VTCN1: variants seen among roughly 807,000 people sequenced by gnomAD.
The protein encoded by VTCN1 is V-set domain-containing T-cell activation inhibitor 1.
A neutral mutation model predicts 26.5 loss-of-function variants in VTCN1; 26 were observed. The ratio of observed to expected loss-of-function variants is 0.98; its 90% CI spans 0.72 to 1.36. VTCN1 has a LOEUF of 1.36. Among genes scored for constraint, VTCN1 ranks in the 40% most tolerant of loss-of-function variants. The pLI is 0.00. For synonymous variants in VTCN1, 116 were observed against 130.7 expected (o/e 0.89, Z 0.77); for missense variants, 298 against 337.7 (o/e 0.88, Z 0.92).
Position 117,156,618 on chromosome 1 carries a change from G to A in VTCN1, c.401C>T (p.Thr134Ile). The change falls in exon 3 of 6, where the codon ACT (threonine) becomes ATT (isoleucine). Residue 134 changes from threonine (T) to isoleucine (I), a missense_variant. Transcript: ENST00000369458. ...GTTAGCATTCCCCTTGCCTTTAGAAGTGATGATATAACATTTGTAGGTGCC... is the reference window on the plus strand; with the variant it reads ...GTTAGCATTCCCCTTGCCTTTAGAAATGATGATATAACATTTGTAGGTGCC... ...DAGTYKCYII[T>I]SKGKGNANLE... 11 of 1,612,616 alleles carry A rather than the reference G, an allele frequency of 6.8e-6. No individual in the cohort carries two copies. The highest frequency in any genetic ancestry group is 9.3e-6 in the Non-Finnish European group (11 of 1,179,344).
chr1:117,201,880 G>A (rs1001052410), intron 1 of VTCN1, among the ~76,000 whole-genome samples: 8 of 152,242 alleles, frequency 5.3e-5, no homozygotes, highest in Non-Finnish European at 1.0e-4. Context: ...GAAGAAAGAA[G>A]GAAGAGGCTA....
chr1:117,189,781 G>C (rs1648144945), intron 1 of VTCN1, among the ~76,000 whole-genome samples: 1 of 152,174 alleles, frequency 6.6e-6, no homozygotes, highest in African/African-American at 2.4e-5. Flanking sequence ...AGTAAAATGG[G>C]ATAGGAGATC....
intron 1 of VTCN1, among the ~76,000 whole-genome samples, chr1:117,201,556 G>A (rs994260817): frequency 2.0e-5 from 3 of 152,186 alleles, no homozygotes; most frequent in African/African-American, 7.2e-5. Flanking sequence ...TTGCAAGCCT[G>A]CCCCTAATAT....
In VTCN1 at chr1:117,159,316, C is replaced by A. The variant is rs1284382506; in HGVS notation, c.98-2395G>T. On this transcript the variant is annotated intron_variant, in intron 2 of 5. Coordinates refer to ENST00000369458, the MANE Select transcript of VTCN1 (RefSeq NM_024626.4). This position sits in a 1 kb window ranked among gnomAD's most constrained non-coding sequence, Gnocchi z 4.7. ...GGCTGGGGAGGCCTCAGAGTCATGG[C>A]GGGAGGTGAAAGGCACTTCTTACAT... is the stretch of plus-strand genomic sequence containing the variant. 1.3e-5 allele frequency among the ~76,000 whole-genome samples: 2 copies of A among 152,040 alleles called. No homozygotes were observed. The highest frequency in any genetic ancestry group is 4.8e-5 in the African/African-American group (2 of 41,384).
At chr1:117,156,355 A>G (rs1418834821) in intron 3 of VTCN1, among the ~76,000 whole-genome samples, 1 of 152,260 alleles carries the variant, frequency 6.6e-6, no homozygotes, top group African/African-American at 2.4e-5. Context: ...ATTCTGAAGC[A>G]GAGAGAACCC....
chr1:117,204,643 G>A (rs951714424), intron 1 of VTCN1, among the ~76,000 whole-genome samples: 1 of 152,074 alleles, frequency 6.6e-6, no homozygotes, highest in South Asian at 2.1e-4. Context: ...GAGGTGGGTG[G>A]ATCATGAGGT....
intron 1 of VTCN1, among the ~76,000 whole-genome samples, chr1:117,192,357 T>C (rs891233766): frequency 6.6e-6 from 1 of 152,160 alleles, no homozygotes; most frequent in Admixed American, 6.5e-5. Context: ...CTGAGAGATT[T>C]CATTACTACT....
At chr1:117,197,934 G>C (rs1436464436) in intron 1 of VTCN1, among the ~76,000 whole-genome samples, 1 of 152,160 alleles carries the variant, frequency 6.6e-6, no homozygotes, top group African/African-American at 2.4e-5. Flanking sequence ...GAAAGCAAAA[G>C]GCTTGTTTGT....
rs575553632 is a variant in VTCN1 at position 117,175,928 on chromosome 1, G to A, written c.33-5757C>T. Among the ~76,000 whole-genome samples the A allele has an allele frequency of 2.0e-5, 3 of 152,080 alleles. No individual in the cohort carries two copies. Among genetic ancestry groups the A allele is most frequent in the East Asian group, 1.9e-4 (1 of 5,168 alleles). On this transcript the variant is annotated intron_variant, in intron 1 of 5. Transcript: ENST00000369458. This position sits in a 1 kb window ranked among gnomAD's most constrained non-coding sequence, Gnocchi z 4.2. ...TGGGATTACAGGCACGTGCCACCACGCCCGGCTAATTTTTTATTTTTAGTA... is the reference window on the plus strand; with the variant it reads ...TGGGATTACAGGCACGTGCCACCACACCCGGCTAATTTTTTATTTTTAGTA...
intron 1 of VTCN1, among the ~76,000 whole-genome samples, chr1:117,186,619 A>T (rs551595203): frequency 7.2e-5 from 11 of 152,372 alleles, no homozygotes; most frequent in Middle Eastern, 3.4e-3. Context: ...GAATGCAGGG[A>T]ATGAGAGGGT....
chr1:117,160,135 G>A (rs1005023509), intron 2 of VTCN1, among the ~76,000 whole-genome samples: 7 of 152,170 alleles, frequency 4.6e-5, no homozygotes, highest in African/African-American at 1.7e-4. Context: ...AGAGGAGAGT[G>A]GAGGAGACAC....
rs1652660874 is a variant in VTCN1, at chr1:117,167,118, T to A, written c.97+2989A>T. On this transcript the variant is annotated intron_variant, in intron 2 of 5. Transcript: ENST00000369458. The surrounding 1 kb of genome is among the most constrained non-coding windows in gnomAD (Gnocchi z 4.1). ...AAAAAAAAAAAAGAATATATATGTA[T>A]GTAAACATAAAATGTATATATACAT... Among the ~76,000 whole-genome samples, 1 of 151,890 alleles carries A rather than the reference T, an allele frequency of 6.6e-6. No individual in the cohort carries two copies. The highest frequency in any genetic ancestry group is 1.5e-5 in the Non-Finnish European group (1 of 67,984).
At chr1:117,150,458 G>C (rs913184691) in intron 4 of VTCN1, among the ~76,000 whole-genome samples, 4 of 152,122 alleles carry the variant, frequency 2.6e-5, no homozygotes, top group African/African-American at 9.7e-5. Flanking sequence ...CAACATTCTA[G>C]TACACTTCCT....
intron 1 of VTCN1, among the ~76,000 whole-genome samples, chr1:117,184,645 AG>A (rs1647846541): frequency 1.3e-5 from 2 of 152,146 alleles, no homozygotes; most frequent in African/African-American, 2.4e-5. Flanking sequence ...AAGTCCAGGG[AG>A]GAAGCTCCTT....
rs77077265 is a variant in VTCN1 at position 117,171,903 on chromosome 1, C to T, written c.33-1732G>A. The stretch of plus-strand genomic sequence containing the variant: ...CAAGGGTAGGAGCTCACCGATGGGG[C>T]GTGTCCCTTTTCTTTGCCAAGGGGA... On this transcript the variant is annotated intron_variant, in intron 1 of 5. Coordinates refer to ENST00000369458, the MANE Select transcript of VTCN1 (RefSeq NM_024626.4). Among the ~76,000 whole-genome samples, 1,024 of 152,246 alleles carry T rather than the reference C, an allele frequency of 6.7e-3. 14 individuals are homozygous for T. The highest frequency in any genetic ancestry group is 0.023 in the African/African-American group (943 of 41,538).
At chr1:117,187,922 T>C (rs747372542) in intron 1 of VTCN1, among the ~76,000 whole-genome samples, 2 of 152,200 alleles carry the variant, frequency 1.3e-5, no homozygotes, top group African/African-American at 2.4e-5. Context: ...ATCATTTCCA[T>C]AATTCTTACC....
At chr1:117,196,329 C>G (rs1046510022) in intron 1 of VTCN1, among the ~76,000 whole-genome samples, 5 of 149,672 alleles carry the variant, frequency 3.3e-5, no homozygotes, top group Non-Finnish European at 5.9e-5. Context: ...ACTTATAAGA[C>G]CAATAAGTAG....
At chr1:117,153,547 G>A (rs532329070) in intron 3 of VTCN1, among the ~76,000 whole-genome samples, 178 bp from the exon 4 acceptor site, 45 of 150,752 alleles carry the variant, frequency 3.0e-4, no homozygotes, top group Middle Eastern at 3.4e-3. Context: ...TTATAGGTGC[G>A]AATAATTATT....
At chr1:117,198,451 T>C (rs1249627045) in intron 1 of VTCN1, among the ~76,000 whole-genome samples, 1 of 152,218 alleles carries the variant, frequency 6.6e-6, no homozygotes, top group Non-Finnish European at 1.5e-5. Context: ...TGGCCGGCCA[T>C]TGTTTCACTG....
Sources: allele counts gnomAD v4.1 joint callset (sites outside exome capture counted in the v4.1 genomes callset), GRCh38; gene constraint gnomAD v4.1.1; non-coding constraint Gnocchi (gnomAD v3.1); transcripts MANE v1.5; gene names NCBI Gene and HGNC (gene_info 2026-07-23, HGNC 2026-07-21).